The following SLC22A17 variants were observed in gnomAD, a reference collection of about 807,000 sequenced individuals.
SLC22A17 encodes 24p3 receptor.
SLC22A17 carries 38 observed loss-of-function variants against 53.6 expected under a neutral mutation model. The observed-to-expected ratio is 0.71, with a 90% CI of 0.55 to 0.93. The LOEUF (loss-of-function observed/expected upper bound fraction) is 0.93, where lower values mean the gene tolerates loss of function less well. SLC22A17 is among the 40% of genes least tolerant of loss of function. SLC22A17 has a pLI of 0.00. For synonymous variants in SLC22A17, 379 were observed against 353.0 expected (o/e 1.07, Z -0.82); for missense variants, 704 against 791.0 (o/e 0.89, Z 1.32).
At position 23,347,962 on chromosome 14, in the gene SLC22A17, G is replaced by C. The variant is rs772938209; in HGVS notation, c.1206C>G (p.Ser402=). The C allele has an allele frequency of 6.2e-7, 1 of 1,614,162 alleles. No homozygotes were observed. Among genetic ancestry groups the C allele is most frequent in the Admixed American group, 1.7e-5 (1 of 60,030 alleles). ...TGAGGAGGGAAGCAAAGGAAAAGGAGGATGTTGCAGGGAGAGGGCAGGTAT... is the reference window on the plus strand; with the variant it reads ...TGAGGAGGGAAGCAAAGGAAAAGGACGATGTTGCAGGGAGAGGGCAGGTAT... Residue 402 remains serine, a synonymous_variant, in exon 7 of 10, where the codon TCC becomes TCG. Transcript: ENST00000397267. This position sits in a 1 kb window ranked among gnomAD's most constrained non-coding sequence, Gnocchi z 5.1.
Position 23,352,151 on chromosome 14 carries a change from G to C in SLC22A17, c.397C>G (p.Pro133Ala), listed in dbSNP as rs564578176. Residue 133 changes from proline to alanine, a missense_variant, in exon 2 of 10, where the codon CCT becomes GCT. Coordinates refer to ENST00000397267, the Ensembl canonical transcript of SLC22A17. This position sits in a 1 kb window ranked among gnomAD's most constrained non-coding sequence, Gnocchi z 7.2. Reference sequence around the variant, plus strand: ...GGCTGCTCCCAGCCAGAGGCATTAGGGGGGAAGGCCCCGTAGTGGCAATGC... The same window carrying C: ...GGCTGCTCCCAGCCAGAGGCATTAGCGGGGAAGGCCCCGTAGTGGCAATGC... The C allele has an allele frequency of 5.7e-5, 90 of 1,566,048 alleles. No homozygotes were observed. The highest frequency in any genetic ancestry group is 2.5e-4 in the Admixed American group (13 of 51,134).
At chr14:23,349,915 G>A (rs1461417479) in intron 3 of SLC22A17, among the ~76,000 whole-genome samples, 1 of 152,168 alleles carries the variant, frequency 6.6e-6, no homozygotes, top group African/African-American at 2.4e-5. Flanking sequence ...CTACTGGTCA[G>A]TGAAGGTAAA....
rs769954311 is a variant in SLC22A17, at chr14:23,347,952, A to C, written c.1216T>G (p.Phe406Val). 2.5e-6 allele frequency: 4 copies of C among 1,614,152 alleles called. No homozygotes were observed. Among genetic ancestry groups the C allele is most frequent in the Non-Finnish European group, 3.4e-6 (4 of 1,180,004 alleles). ...TTGCGGTAGTTGAGGAGGGAAGCAA[A>C]GGAAAAGGAGGATGTTGCAGGGAGA... Residue 406 changes from phenylalanine (F) to valine (V), a missense_variant, in exon 7 of 10, where the codon TTT (phenylalanine) becomes GTT (valine). Transcript: ENST00000397267. The surrounding 1 kb of genome is among the most constrained non-coding windows in gnomAD (Gnocchi z 5.1).
At position 23,347,645 on chromosome 14, in the gene SLC22A17, G is replaced by A; in HGVS notation, c.1364C>T (p.Ala455Val). The A allele has an allele frequency of 1.2e-6, 2 of 1,613,990 alleles. No individual in the cohort carries two copies. The highest frequency in any genetic ancestry group is 1.7e-6 in the Non-Finnish European group (2 of 1,180,002). The change falls in exon 8 of 10, where the codon GCC becomes GTC. Residue 455 changes from alanine (A) to valine (V), a missense_variant. Around this residue, in one of 4 missense-constraint regions of SLC22A17, gnomAD observed 435 missense variants for 529.0 expected, o/e 0.82. Transcript: ENST00000397267. This position sits in a 1 kb window ranked among gnomAD's most constrained non-coding sequence, Gnocchi z 5.1. ...ACAGGCCAGGGCTGCGGTGCCGCTGGCCAGCAGAGAGCACAGGTAGAAGTC... is the reference window on the plus strand; with the variant it reads ...ACAGGCCAGGGCTGCGGTGCCGCTGACCAGCAGAGAGCACAGGTAGAAGTC...
chr14:23,349,524 G>C, intron 3 of SLC22A17, 98 bp from the exon 4 acceptor site: 2 of 1,387,566 alleles, frequency 1.4e-6, no homozygotes, highest in Non-Finnish European at 1.9e-6. Flanking sequence ...AGAGGTATGA[G>C]AATGAAGTTC....
At position 23,347,684 on chromosome 14, in the gene SLC22A17, C is replaced by T. The variant is rs1889312456; in HGVS notation, c.1325G>A (p.Gly442Glu). 1.9e-6 allele frequency: 3 copies of T among 1,613,930 alleles called. No homozygotes were observed. The highest frequency in any genetic ancestry group is 1.1e-5 in the South Asian group (1 of 91,082). Residue 442 changes from glycine (G) to glutamate (E), a missense_variant, in exon 8 of 10, where the codon GGA (glycine) becomes GAA (glutamate). Transcript: ENST00000397267. This position sits in a 1 kb window ranked among gnomAD's most constrained non-coding sequence, Gnocchi z 5.1. ...CAGGTAGAAGTCCGATGGGCTCCCT[C>T]CTCCTCCCACAGGCTGGTAGCAGTG...
intron 3 of SLC22A17, 114 bp from the exon 4 acceptor site, chr14:23,349,540 G>T: frequency 7.8e-7 from 1 of 1,276,662 alleles, no homozygotes; most frequent in Non-Finnish European, 1.1e-6. Context: ...AGTTCTGGGA[G>T]CAAGAGTTGG....
chr14:23,352,177 A>C lies in SLC22A17; in HGVS notation c.371T>G (p.Leu124Arg). The C allele has an allele frequency of 1.3e-6, 2 of 1,523,776 alleles. No individual in the cohort carries two copies. The highest frequency in any genetic ancestry group is 1.8e-6 in the Non-Finnish European group (2 of 1,140,016). 94.4% of individuals were successfully genotyped at this position (1,523,776 alleles called of 1,614,324 possible). ...GGGGAAGGCCCCGTAGTGGCAATGC[A>C]GCGGGGGCGCCAGCGTGAAGATGGG... Residue 124 changes from leucine to arginine, a missense_variant, in exon 2 of 10, where the codon CTG becomes CGG. By Grantham distance (102) the Leu-to-Arg change is moderately radical. This residue lies in a region of SLC22A17 where 435 missense variants were observed against 529.0 expected (regional missense o/e 0.82). Transcript: ENST00000397267. The surrounding 1 kb of genome is among the most constrained non-coding windows in gnomAD (Gnocchi z 7.2).
chr14:23,351,956 T>A, exon 2 of SLC22A17: 1 of 1,612,848 alleles, frequency 6.2e-7, no homozygotes, highest in Non-Finnish European at 8.5e-7. Context: ...ACCTGGCCGA[T>A]GGCGTTGGTG....
At position 23,347,411 on chromosome 14, in the gene SLC22A17, G is replaced by T. The variant is rs778843965; in HGVS notation, c.1549+49C>A. On this transcript the variant is annotated intron_variant, in intron 8 of 9. Coordinates refer to ENST00000397267, the Ensembl canonical transcript of SLC22A17. This position sits in a 1 kb window ranked among gnomAD's most constrained non-coding sequence, Gnocchi z 5.1. ...AAGAGCTGGGCAGGGTCTGGGGCTT[G>T]TCTTGGGAGGCCTGTGCCAGAAGAA... is the stretch of plus-strand genomic sequence containing the variant. 4 of 1,592,324 alleles carry T rather than the reference G, an allele frequency of 2.5e-6. No homozygotes were observed. In the Admixed American group the frequency reaches 6.8e-5, roughly 27 times the overall value.
chr14:23,351,931 C>CCGCCTGGCCGCCT lies in SLC22A17; in HGVS notation c.600+4_600+16dup. On this transcript the variant is annotated intron_variant, in intron 2 of 9. Transcript: ENST00000397267. The stretch of plus-strand genomic sequence containing the variant: ...CTCTGCCCGCCCCCAGACCCGCGGC[C>CCGCCTGGCCGCCT]CGCCTGGCCGCCTCACCTGGCCGAT... 6.2e-7 allele frequency: 1 copy of CCGCCTGGCCGCCT among 1,611,510 alleles called. No homozygotes were observed. The highest frequency in any genetic ancestry group is 1.3e-5 in the African/African-American group (1 of 75,006).
rs1406407994 is a variant in SLC22A17, at chr14:23,347,093, G to C, written c.1661+8C>G. Reference sequence around the variant, plus strand: ...CGGCTCTGCCCCTGGGGGCACCCCTGCTCTCACCGGACAGTGGTGGGGATG... The same window carrying C: ...CGGCTCTGCCCCTGGGGGCACCCCTCCTCTCACCGGACAGTGGTGGGGATG... On this transcript the variant is annotated splice_region_variant and intron_variant, in intron 9 of 9. Transcript: ENST00000397267. The surrounding 1 kb of genome is among the most constrained non-coding windows in gnomAD (Gnocchi z 5.1). The C allele has an allele frequency of 6.2e-7, 1 of 1,610,250 alleles. No homozygotes were observed. Among genetic ancestry groups the C allele is most frequent in the Admixed American group, 1.7e-5 (1 of 59,764 alleles).
At chr14:23,346,971 C>T (rs902800522) in intron 9 of SLC22A17, 35 bp from the exon 10 acceptor site, 1 of 1,508,290 alleles carries the variant, frequency 6.6e-7, no homozygotes, top group Non-Finnish European at 8.8e-7. Flanking sequence ...CAGCCCACAG[C>T]TGTAGCCTTG....
rs2138521206 is a variant in SLC22A17 at position 23,352,097 on chromosome 14, T to C, written c.451A>G (p.Ser151Gly). The C allele has an allele frequency of 4.4e-6, 7 of 1,587,014 alleles. 1 individual carries two copies. In the Middle Eastern group the frequency reaches 8.3e-4, roughly 189 times the overall value. Reference sequence around the variant, plus strand: ...GCGGCGCTGGCTGCTAGGGCAGCGCTGGCGACGCTGACGCCGCTGGCATTG... The same window carrying C: ...GCGGCGCTGGCTGCTAGGGCAGCGCCGGCGACGCTGACGCCGCTGGCATTG... Residue 151 changes from serine to glycine, a missense_variant, in exon 2 of 10, where the codon AGC (serine) becomes GGC (glycine). Transcript: ENST00000397267. The surrounding 1 kb of genome is among the most constrained non-coding windows in gnomAD (Gnocchi z 7.2).
chr14:23,350,725 T>G (rs1889572367), intron 3 of SLC22A17, among the ~76,000 whole-genome samples: 1 of 152,198 alleles, frequency 6.6e-6, no homozygotes, highest in Admixed American at 6.5e-5. Flanking sequence ...ACCAAATTAT[T>G]GATCTTTGGG....
In SLC22A17 at chr14:23,348,732, GAGA is replaced by G. The variant is rs2138514628; in HGVS notation, c.860-64_860-62del. ...GGCCAGGGAGGAAGAAGGCATAAGA[GAGA>G]AGAAGAAAGAGGGAGGGAGGAGGAC... is the stretch of plus-strand genomic sequence containing the variant. On this transcript the variant is annotated intron_variant, in intron 4 of 9. Coordinates refer to ENST00000397267, the Ensembl canonical transcript of SLC22A17. This position sits in a 1 kb window ranked among gnomAD's most constrained non-coding sequence, Gnocchi z 4.5. The G allele has an allele frequency of 7.3e-6, 11 of 1,510,700 alleles. No individual in the cohort carries two copies. The highest frequency in any genetic ancestry group is 4.5e-5 in the East Asian group (2 of 44,028). 93.6% of individuals were successfully genotyped at this position (1,510,700 alleles called of 1,614,324 possible). A position where few individuals can be genotyped will look rare whatever the true frequency, so the allele number is the denominator to read the frequency against.
At position 23,347,420 on chromosome 14, in the gene SLC22A17, G is replaced by C. The variant is rs1177702405; in HGVS notation, c.1549+40C>G. ...GCAGGGTCTGGGGCTTGTCTTGGGA[G>C]GCCTGTGCCAGAAGAAATGGCTGTG... On this transcript the variant is annotated intron_variant, in intron 8 of 9. Coordinates refer to ENST00000397267, the Ensembl canonical transcript of SLC22A17. The surrounding 1 kb of genome is among the most constrained non-coding windows in gnomAD (Gnocchi z 5.1). 19 of 1,598,794 alleles carry C rather than the reference G, an allele frequency of 1.2e-5. No homozygotes were observed. Among genetic ancestry groups the C allele is most frequent in the Non-Finnish European group, 1.4e-5 (16 of 1,171,882 alleles).
At chr14:23,350,384 G>T (rs1889547254) in intron 3 of SLC22A17, among the ~76,000 whole-genome samples, 1 of 152,178 alleles carries the variant, frequency 6.6e-6, no homozygotes, top group South Asian at 2.1e-4. Context: ...AATCCATAAG[G>T]TAGGACTATT....
chr14:23,348,766 G>T lies in SLC22A17; in HGVS notation c.860-95C>A. ...AAAGAGGGAGGGAGGAGGACAGAGA[G>T]AGAGGTCAGACCCAGAGTGGAGGCT... On this transcript the variant is annotated intron_variant, in intron 4 of 9. Transcript: ENST00000397267. This position sits in a 1 kb window ranked among gnomAD's most constrained non-coding sequence, Gnocchi z 4.5. 1 of 1,341,564 alleles carries T rather than the reference G, an allele frequency of 7.5e-7. No homozygotes were observed. The highest frequency in any genetic ancestry group is 1.5e-5 in the African/African-American group (1 of 68,192). 83.1% of individuals were successfully genotyped at this position (1,341,564 alleles called of 1,614,324 possible).
Sources: allele counts gnomAD v4.1 joint callset (sites outside exome capture counted in the v4.1 genomes callset), GRCh38; gene constraint gnomAD v4.1.1; regional missense constraint gnomAD v4.1.1; non-coding constraint Gnocchi (gnomAD v3.1); transcripts MANE v1.5; gene names NCBI Gene and HGNC (gene_info 2026-07-23, HGNC 2026-07-21).